PACSIN2: variants seen among roughly 807,000 people sequenced by gnomAD.
PACSIN2 encodes the protein protein kinase C and casein kinase substrate in neurons 2, also known as protein kinase C and casein kinase substrate in neurons protein 2.
PACSIN2 carries 25 observed loss-of-function variants against 63.8 expected under a neutral mutation model. That is an observed-to-expected ratio of 0.39 (90% CI 0.29 to 0.55). PACSIN2 has a LOEUF of 0.55. Ranked by LOEUF, PACSIN2 falls within the 20% of genes least tolerant of loss-of-function variation. PACSIN2 has a pLI of 0.62. For missense variants in PACSIN2, 518 were observed against 646.9 expected (o/e 0.80, Z 2.16); for synonymous variants, 255 against 256.2 (o/e 1.00, Z 0.05).
chr22:43,008,893 T>G (rs571409090), intron 1 of PACSIN2, among the ~76,000 whole-genome samples: 1 of 152,392 alleles, frequency 6.6e-6, no homozygotes, highest in South Asian at 2.1e-4. Flanking sequence ...TAATGTACTC[T>G]TTCATCAATA....
At chr22:43,013,938 C>T (rs1398402822) in intron 1 of PACSIN2, among the ~76,000 whole-genome samples, 1 of 152,188 alleles carries the variant, frequency 6.6e-6, no homozygotes, top group Non-Finnish European at 1.5e-5. Flanking sequence ...GCCACCTTCC[C>T]TCAGGCACCC....
At chr22:43,008,653 C>T (rs1176668279) in intron 1 of PACSIN2, among the ~76,000 whole-genome samples, 1 of 152,176 alleles carries the variant, frequency 6.6e-6, no homozygotes, top group Non-Finnish European at 1.5e-5. Context: ...GGAATCTAGC[C>T]AGAAGGCCAC....
intron 10 of PACSIN2, among the ~76,000 whole-genome samples, chr22:42,874,678 C>A (rs1232783648): frequency 6.6e-6 from 1 of 152,182 alleles, no homozygotes; most frequent in Non-Finnish European, 1.5e-5. Flanking sequence ...GGGCTAGCAG[C>A]TCCCAGACTA....
chr22:42,977,042 T>C (rs1601596602), intron 1 of PACSIN2, among the ~76,000 whole-genome samples: 1 of 152,238 alleles, frequency 6.6e-6, no homozygotes, highest in Non-Finnish European at 1.5e-5. Context: ...TTATTTGATT[T>C]AGAAACCTAC....
chr22:42,891,901 C>T (rs547956163), intron 3 of PACSIN2, among the ~76,000 whole-genome samples: 5 of 152,332 alleles, frequency 3.3e-5, no homozygotes, highest in Non-Finnish European at 7.3e-5. Context: ...CCCTGCTTGG[C>T]CCCTGGCTAG....
chr22:43,006,578 G>A (rs1924103977), intron 1 of PACSIN2, among the ~76,000 whole-genome samples: 1 of 152,218 alleles, frequency 6.6e-6, no homozygotes, highest in Admixed American at 6.5e-5. Flanking sequence ...ACTTTGGGAG[G>A]CAGAGGCAGG....
rs745758475 is a variant in PACSIN2, at chr22:42,891,220, G to A, written c.218-38C>T. 66 of 1,417,564 alleles carry A rather than the reference G, an allele frequency of 4.7e-5. 1 individual carries two copies. In the East Asian group the frequency reaches 5.7e-4, roughly 12 times the overall value. 87.8% of individuals were successfully genotyped at this position (1,417,564 alleles called of 1,614,324 possible). On this transcript the variant is annotated intron_variant, in intron 3 of 10. Coordinates refer to ENST00000263246, the MANE Select transcript of PACSIN2 (RefSeq NM_001184970.3). Reference sequence around the variant, plus strand: ...GAGAAGCTGCGGGTCACTCAGCGCCGGCCATGGTGGGGTCTGCTCTGCTCA... The same window carrying A: ...GAGAAGCTGCGGGTCACTCAGCGCCAGCCATGGTGGGGTCTGCTCTGCTCA...
chr22:42,893,361 C>T, intron 3 of PACSIN2, 96 bp downstream of exon 3: 1 of 1,302,394 alleles, frequency 7.7e-7, no homozygotes, highest in Non-Finnish European at 1.1e-6. Flanking sequence ...TCTTAAAAGA[C>T]AGAAAACTGG....
chr22:42,922,762 G>A (rs1932279090), intron 1 of PACSIN2, among the ~76,000 whole-genome samples: 1 of 152,340 alleles, frequency 6.6e-6, no homozygotes, highest in Non-Finnish European at 1.5e-5. Flanking sequence ...CTAAGCTGGG[G>A]GAGGGGCAGT....
At chr22:43,000,599 G>A (rs947029508) in intron 1 of PACSIN2, among the ~76,000 whole-genome samples, 1 of 152,124 alleles carries the variant, frequency 6.6e-6, no homozygotes, top group Non-Finnish European at 1.5e-5. Flanking sequence ...TAGCAATTCT[G>A]GAAATGAGCG....
At chr22:42,983,821 G>A (rs1433835362) in intron 1 of PACSIN2, among the ~76,000 whole-genome samples, 1 of 152,018 alleles carries the variant, frequency 6.6e-6, no homozygotes, top group African/African-American at 2.4e-5. Context: ...TTGTTCTTCA[G>A]TTAACTGACT....
chr22:42,896,326 C>T (rs1308844437), intron 2 of PACSIN2, among the ~76,000 whole-genome samples: 1 of 152,140 alleles, frequency 6.6e-6, no homozygotes, highest in Non-Finnish European at 1.5e-5. Context: ...ATCCATGTTG[C>T]TATCTACGTC....
intron 2 of PACSIN2, among the ~76,000 whole-genome samples, chr22:42,901,190 T>C (rs1930660174): frequency 6.6e-6 from 1 of 152,040 alleles, no homozygotes; most frequent in African/African-American, 2.4e-5. Flanking sequence ...GGGTCAAGGG[T>C]GAGCCAGCTA....
chr22:43,011,044 C>T (rs1329985304), intron 1 of PACSIN2, among the ~76,000 whole-genome samples: 3 of 152,186 alleles, frequency 2.0e-5, no homozygotes, highest in African/African-American at 4.8e-5. Context: ...ACAGACAGAG[C>T]ATACTCATCT....
At chr22:43,006,565 A>G (rs774319230) in intron 1 of PACSIN2, among the ~76,000 whole-genome samples, 34 of 152,338 alleles carry the variant, frequency 2.2e-4, no homozygotes, top group Non-Finnish European at 4.0e-4. Flanking sequence ...CTGAAATCCC[A>G]GCACTTTGGG....
At chr22:42,938,831 G>A (rs774844755) in intron 1 of PACSIN2, among the ~76,000 whole-genome samples, 1 of 152,230 alleles carries the variant, frequency 6.6e-6, no homozygotes, top group Non-Finnish European at 1.5e-5. Flanking sequence ...AGGAGGTGCT[G>A]TTTGTGCTGG....
At chr22:42,923,234 T>G (rs1368125410) in intron 1 of PACSIN2, among the ~76,000 whole-genome samples, 1 of 152,204 alleles carries the variant, frequency 6.6e-6, no homozygotes, top group Non-Finnish European at 1.5e-5. Flanking sequence ...GCATGTCTTC[T>G]CAATGCATGA....
intron 1 of PACSIN2, among the ~76,000 whole-genome samples, chr22:42,948,722 C>G (rs978589900): frequency 2.6e-5 from 4 of 152,202 alleles, no homozygotes; most frequent in African/African-American, 4.8e-5. Flanking sequence ...ATGCACTCAA[C>G]TATGGTGCCG....
chr22:42,892,789 T>TG, intron 3 of PACSIN2, among the ~76,000 whole-genome samples: 1 of 152,338 alleles, frequency 6.6e-6, no homozygotes. Context: ...TGAGGACAGC[T>TG]GGTCAGCACA....
Sources: gnomAD v4.1 joint callset for allele counts (sites outside exome capture counted in the v4.1 genomes callset) on GRCh38, gnomAD v4.1.1 for gene constraint, MANE v1.5 for transcripts, NCBI Gene and HGNC (gene_info 2026-07-23, HGNC 2026-07-21) for gene names.